AUTS2: variants seen among roughly 807,000 people sequenced by gnomAD.
The protein encoded by AUTS2 is autism susceptibility gene 2 protein.
Under a neutral mutation model 112.4 loss-of-function variants are expected in AUTS2, and 17 were observed. The observed-to-expected ratio is 0.15, with a 90% CI of 0.10 to 0.23. The LOEUF is 0.23. Among genes scored for constraint, AUTS2 ranks in the 10% least tolerant of loss-of-function variants. The pLI is 1.00. For synonymous variants in AUTS2, 751 were observed against 702.7 expected (o/e 1.07, Z -1.09); for missense variants, 1,510 against 1,701.6 (o/e 0.89, Z 1.98).
intron 4 of AUTS2, among the ~76,000 whole-genome samples, chr7:70,264,070 T>C (rs1787294762): frequency 6.6e-6 from 1 of 152,236 alleles, no homozygotes. Context: ...TTGGCAATGC[T>C]CCTTTCTCTT....
chr7:69,737,606 A>G (rs1030560579), intron 1 of AUTS2, among the ~76,000 whole-genome samples: 1 of 152,156 alleles, frequency 6.6e-6, no homozygotes, highest in African/African-American at 2.4e-5. Context: ...CTAAGTCCCC[A>G]GTCTGCTCCT....
chr7:70,102,377 C>A (rs1000657415), intron 2 of AUTS2, among the ~76,000 whole-genome samples: 2 of 152,010 alleles, frequency 1.3e-5, no homozygotes, highest in Non-Finnish European at 2.9e-5. Context: ...CTCAGCCTCC[C>A]AAAGAGCTGG....
At chr7:70,033,842 G>C (rs1158322411) in intron 2 of AUTS2, among the ~76,000 whole-genome samples, 3 of 151,934 alleles carry the variant, frequency 2.0e-5, no homozygotes, top group Admixed American at 6.6e-5. Context: ...AGGGAGAATT[G>C]GTAAGGGATA....
chr7:69,896,636 G>A (rs1794753628), intron 1 of AUTS2, among the ~76,000 whole-genome samples: 1 of 151,808 alleles, frequency 6.6e-6, no homozygotes, highest in Non-Finnish European at 1.5e-5. Context: ...TGCTTTATAG[G>A]TTTGGATGTT....
At chr7:70,311,569 T>C (rs758111882) in intron 4 of AUTS2, among the ~76,000 whole-genome samples, 1 of 152,240 alleles carries the variant, frequency 6.6e-6, no homozygotes, top group Non-Finnish European at 1.5e-5. Context: ...TGTTTTGTTT[T>C]GTTTTTTGTT....
chr7:69,712,308 A>G (rs1244728079), intron 1 of AUTS2, among the ~76,000 whole-genome samples: 2 of 152,202 alleles, frequency 1.3e-5, no homozygotes, highest in African/African-American at 4.8e-5. Flanking sequence ...CCATGAAACC[A>G]TCTCACAGTG....
intron 2 of AUTS2, among the ~76,000 whole-genome samples, chr7:69,945,670 G>C (rs1796781613): frequency 6.6e-6 from 1 of 151,780 alleles, no homozygotes; most frequent in Admixed American, 6.6e-5. Context: ...TACTCTTCTA[G>C]TAAATATCAG....
intron 1 of AUTS2, among the ~76,000 whole-genome samples, chr7:69,657,862 T>C (rs963445965): frequency 6.6e-6 from 1 of 152,218 alleles, no homozygotes; most frequent in Non-Finnish European, 1.5e-5. Flanking sequence ...ACCTTCCCTT[T>C]TGTCTTAAAA....
chr7:70,654,264 GT>G (rs1289675697), intron 5 of AUTS2, among the ~76,000 whole-genome samples: 1 of 152,184 alleles, frequency 6.6e-6, no homozygotes, highest in East Asian at 1.9e-4. Context: ...AACTTTTACA[GT>G]AAAGGTCTAG....
At chr7:69,779,956 A>C (rs1789077507) in intron 1 of AUTS2, among the ~76,000 whole-genome samples, 3 of 152,010 alleles carry the variant, frequency 2.0e-5, no homozygotes, top group Non-Finnish European at 4.4e-5. Context: ...CCTGGGCTCA[A>C]GCAGTCCTTT....
Position 70,290,128 on chromosome 7 carries a change from C to T in AUTS2, c.661-145624C>T, listed in dbSNP as rs559850480. Among the ~76,000 whole-genome samples the T allele has an allele frequency of 3.2e-4, 49 of 152,226 alleles. 1 individual carries two copies. The highest frequency in any genetic ancestry group is 2.1e-3 in the South Asian group (10 of 4,828). On this transcript the variant is annotated intron_variant, in intron 4 of 18. Transcript: ENST00000342771. ...AGAGTCATGATGTAGAACATTCAAA[C>T]AAATGGATCACAAGAGATTTCTCAA...
At chr7:70,702,573 A>G (rs1585535966) in intron 6 of AUTS2, among the ~76,000 whole-genome samples, 1 of 152,230 alleles carries the variant, frequency 6.6e-6, no homozygotes. Context: ...GTGCCCAGCT[A>G]AATGGGCATT....
At chr7:69,783,695 G>A (rs748836058) in intron 1 of AUTS2, among the ~76,000 whole-genome samples, 2 of 152,186 alleles carry the variant, frequency 1.3e-5, no homozygotes, top group Non-Finnish European at 1.5e-5. Context: ...GCATATCAGA[G>A]AGATTGGTCC....
chr7:69,907,057 T>C (rs948237795), intron 2 of AUTS2, among the ~76,000 whole-genome samples: 1 of 152,160 alleles, frequency 6.6e-6, no homozygotes, highest in Non-Finnish European at 1.5e-5. Flanking sequence ...CAGTGAGCCA[T>C]GTTCACGCAA....
intron 1 of AUTS2, among the ~76,000 whole-genome samples, chr7:69,831,615 C>A (rs1791504234): frequency 6.6e-6 from 1 of 151,510 alleles, no homozygotes; most frequent in African/African-American, 2.4e-5. Flanking sequence ...ACCCAACTGA[C>A]CTTTTAAGAT....
At chr7:70,665,834 C>CAGATTTTACTATACTCA (rs1235945925) in intron 5 of AUTS2, among the ~76,000 whole-genome samples, 1 of 152,158 alleles carries the variant, frequency 6.6e-6, no homozygotes, top group Non-Finnish European at 1.5e-5. Context: ...TGAGTATGCA[C>CAGATTTTACTATACTCA]AGATTTTACT....
chr7:70,785,041 GA>G (rs771959435), intron 16 of AUTS2, 22 bp downstream of exon 16: 9 of 1,611,860 alleles, frequency 5.6e-6, no homozygotes, highest in Non-Finnish European at 7.6e-6. Flanking sequence ...AAAATAATGG[GA>G]ACTGAGATGT....
chr7:70,789,824 C>A lies in AUTS2; in HGVS notation c.2608C>A (p.Arg870Ser), dbSNP rs750997066. Reference sequence around the variant, plus strand: ...CCCGGTGAATGCCCTGGGACATACCCGCAGCTCCACTGAACAGATCCGGGC... The same window carrying A: ...CCCGGTGAATGCCCTGGGACATACCAGCAGCTCCACTGAACAGATCCGGGC... ...VLPVNALGHT[R>S]SSTEQIRAHL... Residue 870 changes from arginine (R) to serine (S), a missense_variant, in exon 19 of 19, where the codon CGC becomes AGC. By Grantham distance (110) the Arg-to-Ser change is moderately radical (BLOSUM62 -1). Coordinates refer to ENST00000342771, the MANE Select transcript of AUTS2 (RefSeq NM_015570.4). 6.2e-7 allele frequency: 1 copy of A among 1,614,176 alleles called. No homozygotes were observed. The highest frequency in any genetic ancestry group is 2.2e-5 in the East Asian group (1 of 44,860).
chr7:70,331,562 T>C (rs1285851036), intron 4 of AUTS2, among the ~76,000 whole-genome samples: 1 of 151,312 alleles, frequency 6.6e-6, no homozygotes, highest in Non-Finnish European at 1.5e-5. Flanking sequence ...TCTCCTTCAG[T>C]TCTGTTCTGA....
Sources: allele counts gnomAD v4.1 joint callset (sites outside exome capture counted in the v4.1 genomes callset), GRCh38; gene constraint gnomAD v4.1.1; transcripts MANE v1.5; gene names NCBI Gene and HGNC (gene_info 2026-07-23, HGNC 2026-07-21).